PTPN11: variants seen among roughly 807,000 people sequenced by gnomAD.
PTPN11 encodes the protein tyrosine-protein phosphatase non-receptor type 11.
A neutral mutation model predicts 78.8 loss-of-function variants in PTPN11; 6 were observed. That is an observed-to-expected ratio of 0.08 (90% CI 0.04 to 0.15). PTPN11 has a LOEUF of 0.15. PTPN11 is among the 10% of genes least tolerant of loss of function. The probability of loss-of-function intolerance (pLI) is 1.00; values close to 1 mark genes in which losing one functional copy is unlikely to be tolerated. For missense variants in PTPN11, 386 were observed against 744.8 expected (o/e 0.52, Z 5.61); for synonymous variants, 221 against 263.5 (o/e 0.84, Z 1.56).
intron 7 of PTPN11, among the ~76,000 whole-genome samples, chr12:112,473,608 A>T (rs1165985401): frequency 6.6e-6 from 1 of 151,978 alleles, no homozygotes; most frequent in Non-Finnish European, 1.5e-5. Context: ...GCACTTTCGG[A>T]GGCCGAGGCA....
At chr12:112,447,707 C>T (rs1245243468) in intron 2 of PTPN11, among the ~76,000 whole-genome samples, 2 of 151,824 alleles carry the variant, frequency 1.3e-5, no homozygotes, top group African/African-American at 2.4e-5. Flanking sequence ...ACCATGTCGA[C>T]CAGGCTGGTC....
chr12:112,505,454 G>C (rs2135931376), intron 15 of PTPN11, among the ~76,000 whole-genome samples: 1 of 152,048 alleles, frequency 6.6e-6, no homozygotes, highest in East Asian at 1.9e-4. Context: ...ATCACCTGAG[G>C]TCAGGAGTTC....
At chr12:112,464,325 G>A (rs139050616) in intron 6 of PTPN11, among the ~76,000 whole-genome samples, 17 of 152,236 alleles carry the variant, frequency 1.1e-4, no homozygotes, top group African/African-American at 4.1e-4. Context: ...AATAAATTCA[G>A]GTTGATGATT....
intron 1 of PTPN11, among the ~76,000 whole-genome samples, chr12:112,425,003 TG>T (rs2037592229): frequency 7.0e-6 from 1 of 143,570 alleles, no homozygotes; most frequent in Non-Finnish European, 1.5e-5. Context: ...TGTGTGTGTG[TG>T]TGTGTATGTA....
At chr12:112,462,355 T>TA (rs1019689722) in intron 6 of PTPN11, among the ~76,000 whole-genome samples, 38 of 147,210 alleles carry the variant, frequency 2.6e-4, no homozygotes, top group Non-Finnish European at 3.3e-4. Context: ...ACCCTGTTTT[T>TA]AAAAAAAAAA....
At chr12:112,450,861 G>A (rs905094286) in intron 3 of PTPN11, among the ~76,000 whole-genome samples, 3 of 152,144 alleles carry the variant, frequency 2.0e-5, no homozygotes, top group African/African-American at 7.2e-5. Flanking sequence ...CACCAAAATA[G>A]CAGCAGTTTT....
At chr12:112,470,875 C>T (rs577557973) in intron 6 of PTPN11, among the ~76,000 whole-genome samples, 13 of 152,310 alleles carry the variant, frequency 8.5e-5, no homozygotes, top group African/African-American at 2.9e-4. Context: ...GTCTAAACAT[C>T]AAGGTTAAAC....
At chr12:112,453,525 A>G (rs2135867778) in intron 4 of PTPN11, 138 bp downstream of exon 4, 1 of 767,386 alleles carries the variant, frequency 1.3e-6, no homozygotes, top group African/African-American at 1.8e-5. Flanking sequence ...TATTTGAGAC[A>G]GGGTCTTGCT....
At chr12:112,472,303 C>T (rs953086875) in intron 6 of PTPN11, among the ~76,000 whole-genome samples, 7 of 152,070 alleles carry the variant, frequency 4.6e-5, no homozygotes, top group African/African-American at 1.4e-4. Context: ...TTCTTTTGTA[C>T]GTAGGTGAAT....
intron 6 of PTPN11, among the ~76,000 whole-genome samples, chr12:112,467,671 T>A (rs1311296975): frequency 1.3e-5 from 2 of 152,116 alleles, no homozygotes; most frequent in African/African-American, 4.8e-5. Context: ...ATTTTTGTAT[T>A]TTTAGCAGAG....
intron 13 of PTPN11, among the ~76,000 whole-genome samples, chr12:112,494,101 A>G (rs1188845307): frequency 6.6e-6 from 1 of 152,132 alleles, no homozygotes; most frequent in African/African-American, 2.4e-5. Context: ...AAAAATATAA[A>G]AAATTAGCTG....
chr12:112,476,461 G>A (rs188808027), intron 7 of PTPN11, among the ~76,000 whole-genome samples: 1 of 152,222 alleles, frequency 6.6e-6, no homozygotes, highest in Non-Finnish European at 1.5e-5. Flanking sequence ...ATATTCCACT[G>A]CATTATGCTT....
intron 1 of PTPN11, among the ~76,000 whole-genome samples, chr12:112,437,617 C>T (rs1190384842): frequency 1.3e-5 from 2 of 151,988 alleles, no homozygotes; most frequent in Non-Finnish European, 2.9e-5. Flanking sequence ...TTTCTTGTGC[C>T]ATCTTTATTG....
At chr12:112,430,987 A>G (rs528269522) in intron 1 of PTPN11, among the ~76,000 whole-genome samples, 1 of 152,242 alleles carries the variant, frequency 6.6e-6, no homozygotes, top group South Asian at 2.1e-4. Flanking sequence ...ATTAAAAACA[A>G]TGACCATCTT....
chr12:112,491,740 T>A (rs2038747115), intron 13 of PTPN11, among the ~76,000 whole-genome samples: 1 of 152,210 alleles, frequency 6.6e-6, no homozygotes, highest in African/African-American at 2.4e-5. Context: ...GGTCTCACTT[T>A]GTTGCCCAGG....
chr12:112,432,242 C>A (rs989859062), intron 1 of PTPN11, among the ~76,000 whole-genome samples: 1 of 152,100 alleles, frequency 6.6e-6, no homozygotes, highest in African/African-American at 2.4e-5. Flanking sequence ...ACTCTATGCC[C>A]GTCCAAACCA....
intron 1 of PTPN11, among the ~76,000 whole-genome samples, chr12:112,420,271 A>G (rs953106468): frequency 6.6e-6 from 1 of 152,148 alleles, no homozygotes; most frequent in East Asian, 1.9e-4. Flanking sequence ...TGATTGTTCA[A>G]TTATGGTCAC....
chr12:112,485,216 T>A (rs1480970068), intron 10 of PTPN11, among the ~76,000 whole-genome samples: 1 of 152,116 alleles, frequency 6.6e-6, no homozygotes, highest in African/African-American at 2.4e-5. Flanking sequence ...ATCAGGTCAC[T>A]GTGCACCAGC....
At chr12:112,502,976 T>C (rs1472021194) in intron 14 of PTPN11, among the ~76,000 whole-genome samples, 1 of 152,234 alleles carries the variant, frequency 6.6e-6, no homozygotes, top group African/African-American at 2.4e-5. Context: ...AGCCCAGCCA[T>C]GTTCTGCTCA....
Sources: gnomAD v4.1 joint callset for allele counts (sites outside exome capture counted in the v4.1 genomes callset) on GRCh38, gnomAD v4.1.1 for gene constraint, MANE v1.5 for transcripts, NCBI Gene and HGNC (gene_info 2026-07-23, HGNC 2026-07-21) for gene names.